Variants in CYTH4 observed in about 807,000 individuals in gnomAD.
CYTH4 encodes cytohesin-4.
In CYTH4, 22 loss-of-function variants were observed where a neutral mutation model predicts 57.5. The ratio of observed to expected loss-of-function variants is 0.38; its 90% CI spans 0.27 to 0.55. CYTH4 has a LOEUF of 0.55. CYTH4 is among the 20% of genes least tolerant of loss of function. The pLI is 0.74. For synonymous variants in CYTH4, 186 were observed against 206.5 expected (o/e 0.90, Z 0.85); for missense variants, 420 against 535.6 (o/e 0.78, Z 2.13).
rs896380602 is a variant in CYTH4, at chr22:37,295,153, G to A, written c.167+429G>A. 2.6e-5 allele frequency among the ~76,000 whole-genome samples: 4 copies of A among 151,986 alleles called. No homozygotes were observed. Among genetic ancestry groups the A allele is most frequent in the African/African-American group, 9.7e-5 (4 of 41,364 alleles). On this transcript the variant is annotated intron_variant, in intron 3 of 12. Coordinates refer to ENST00000248901, the MANE Select transcript of CYTH4 (RefSeq NM_013385.5). The surrounding 1 kb of genome is among the most constrained non-coding windows in gnomAD (Gnocchi z 4.1). ...TAACCCCGGGCCAGCCACGCCCACC[G>A]CCTCTGTGGAAAACTCCCACTATTT... is the stretch of plus-strand genomic sequence containing the variant.
chr22:37,295,242 G>C lies in CYTH4; in HGVS notation c.167+518G>C, dbSNP rs1013957532. Among the ~76,000 whole-genome samples the C allele has an allele frequency of 2.0e-5, 3 of 152,064 alleles. No individual in the cohort carries two copies. Among genetic ancestry groups the C allele is most frequent in the Non-Finnish European group, 4.4e-5 (3 of 68,002 alleles). Reference sequence around the variant, plus strand: ...GTTTCCCCATCTGTGCAACAAGAAGGTTGGTTGCTACACAGTCTCCTAAGG... The same window carrying C: ...GTTTCCCCATCTGTGCAACAAGAAGCTTGGTTGCTACACAGTCTCCTAAGG... On this transcript the variant is annotated intron_variant, in intron 3 of 12. Coordinates refer to ENST00000248901, the MANE Select transcript of CYTH4 (RefSeq NM_013385.5). The surrounding 1 kb of genome is among the most constrained non-coding windows in gnomAD (Gnocchi z 4.1).
At chr22:37,309,005 G>T (rs1331612598) in intron 8 of CYTH4, among the ~76,000 whole-genome samples, 1 of 152,062 alleles carries the variant, frequency 6.6e-6, no homozygotes, top group African/African-American at 2.4e-5. Context: ...TGGCGGGGTG[G>T]CAGGGTGGCA....
At chr22:37,301,118 C>A in intron 7 of CYTH4, 99 bp downstream of exon 7, 2 of 989,048 alleles carry the variant, frequency 2.0e-6, no homozygotes, top group Non-Finnish European at 3.0e-6. Flanking sequence ...GGTACCCAGA[C>A]CCTGGCAGCC....
chr22:37,293,380 T>C (rs141716718), intron 2 of CYTH4, among the ~76,000 whole-genome samples: 37 of 140,968 alleles, frequency 2.6e-4, no homozygotes, highest in African/African-American at 8.5e-4. Context: ...GTCATTCCAA[T>C]TACCCTATGA....
chr22:37,284,618 G>A (rs1255453961), intron 1 of CYTH4, among the ~76,000 whole-genome samples: 2 of 152,158 alleles, frequency 1.3e-5, no homozygotes, highest in Non-Finnish European at 2.9e-5. Flanking sequence ...CCTGGCCTGG[G>A]GAAGCGGGGA....
intron 9 of CYTH4, among the ~76,000 whole-genome samples, chr22:37,310,206 A>G (rs1313193938): frequency 6.6e-6 from 1 of 151,918 alleles, no homozygotes; most frequent in Non-Finnish European, 1.5e-5. Context: ...CCTCCTCCAG[A>G]GCACTCGGCC....
intron 1 of CYTH4, among the ~76,000 whole-genome samples, chr22:37,289,655 T>C (rs1479918992): frequency 2.6e-5 from 4 of 152,168 alleles, no homozygotes; most frequent in African/African-American, 9.7e-5. Flanking sequence ...TCACACCTGC[T>C]CCTGGACGTA....
chr22:37,312,568 T>C (rs936068091), intron 12 of CYTH4, among the ~76,000 whole-genome samples: 1 of 152,116 alleles, frequency 6.6e-6, no homozygotes, highest in Admixed American at 6.5e-5. Flanking sequence ...CCCGGACCCA[T>C]GTGGGCAACC....
At chr22:37,299,844 A>G (rs1367170314) in intron 6 of CYTH4, among the ~76,000 whole-genome samples, 1 of 152,170 alleles carries the variant, frequency 6.6e-6, no homozygotes, top group Non-Finnish European at 1.5e-5. Context: ...TACAAAAATT[A>G]GCCGGGCGTG....
intron 1 of CYTH4, among the ~76,000 whole-genome samples, chr22:37,289,676 AG>A (rs1217344029): frequency 6.6e-6 from 1 of 152,166 alleles, no homozygotes; most frequent in East Asian, 1.9e-4. Context: ...CCACTCACAA[AG>A]GGTTACTATT....
In CYTH4 at chr22:37,300,871, C is replaced by T. The variant is rs1227733187; in HGVS notation, c.435-36C>T. 3 of 1,585,008 alleles carry T rather than the reference C, an allele frequency of 1.9e-6. No homozygotes were observed. In the Admixed American group the frequency reaches 5.1e-5, roughly 27 times the overall value. On this transcript the variant is annotated intron_variant, in intron 6 of 12. Coordinates refer to ENST00000248901, the MANE Select transcript of CYTH4 (RefSeq NM_013385.5). ...CTTGTCTGGGGCCCGCGAGGGCCCA[C>T]CCACTCCACTGCCCGTGGCCCCGTT...
rs1295613512 is a variant in CYTH4 at position 37,313,474 on chromosome 22, T to G, written c.1148T>G (p.Val383Gly). Residue 383 changes from valine (V) to glycine (G), a missense_variant, in exon 13 of 13, where the codon GTC becomes GGC. Transcript: ENST00000248901. ...ACCCGTGTCCCCTTCTACGACCTGG[T>G]CTCTACTCGGAAGAAGAAGATTGCC... ...SITRVPFYDL[V>G]STRKKKIASK... 1 of 1,614,136 alleles carries G rather than the reference T, an allele frequency of 6.2e-7. No individual in the cohort carries two copies. Among genetic ancestry groups the G allele is most frequent in the Non-Finnish European group, 8.5e-7 (1 of 1,180,012 alleles).
chr22:37,300,788 A>T, intron 6 of CYTH4, 119 bp from the exon 7 acceptor site: 1 of 779,064 alleles, frequency 1.3e-6, no homozygotes, highest in South Asian at 1.6e-5. Context: ...CCCAGATGAC[A>T]GTTGCAGATT....
Position 37,295,134 on chromosome 22 carries a change from C to T in CYTH4, c.167+410C>T, listed in dbSNP as rs371961579. On this transcript the variant is annotated intron_variant, in intron 3 of 12. Transcript: ENST00000248901. The surrounding 1 kb of genome is among the most constrained non-coding windows in gnomAD (Gnocchi z 4.1). Reference sequence around the variant, plus strand: ...ACCCCACCCCACTCACCACTAACCCCGGGCCAGCCACGCCCACCGCCTCTG... The same window carrying T: ...ACCCCACCCCACTCACCACTAACCCTGGGCCAGCCACGCCCACCGCCTCTG... Among the ~76,000 whole-genome samples the T allele has an allele frequency of 2.0e-5, 3 of 152,130 alleles. No individual in the cohort carries two copies. Among genetic ancestry groups the T allele is most frequent in the African/African-American group, 2.4e-5 (1 of 41,420 alleles).
chr22:37,297,822 C>T, intron 5 of CYTH4, 140 bp downstream of exon 5: 1 of 672,154 alleles, frequency 1.5e-6, no homozygotes, highest in Non-Finnish European at 2.6e-6. Flanking sequence ...GGATCATCCC[C>T]TCCAGATTCT....
At chr22:37,304,558 C>T (rs887881677) in intron 8 of CYTH4, among the ~76,000 whole-genome samples, 1 of 152,154 alleles carries the variant, frequency 6.6e-6, no homozygotes, top group Admixed American at 6.5e-5. Flanking sequence ...GCGAACACCA[C>T]GGTCCCAGCT....
intron 12 of CYTH4, 129 bp from the exon 13 acceptor site, chr22:37,313,310 G>GGCCTTTCC: frequency 1.1e-6 from 1 of 877,064 alleles, no homozygotes; most frequent in Non-Finnish European, 1.8e-6. Context: ...GGGGCCATCT[G>GGCCTTTCC]GCCTTTCCCC....
chr22:37,299,931 T>C (rs903941091), intron 6 of CYTH4: 66 of 636,850 alleles, frequency 1.0e-4, no homozygotes, highest in Non-Finnish European at 1.5e-4. Context: ...GTGGAGGTTG[T>C]AGTGAGACAA....
Position 37,309,323 on chromosome 22 carries a change from G to A in CYTH4, c.808G>A (p.Gly270Arg), listed in dbSNP as rs1929549166. 6.2e-7 allele frequency: 1 copy of A among 1,613,758 alleles called. No individual in the cohort carries two copies. Among genetic ancestry groups the A allele is most frequent in the South Asian group, 1.1e-5 (1 of 91,080 alleles). Residue 270 changes from glycine (G) to arginine (R), a missense_variant and splice_region_variant, in exon 9 of 13, where the codon GGG becomes AGG. Physicochemically the swap from Gly to Arg is moderately radical, Grantham distance 125 (BLOSUM62 -2). Coordinates refer to ENST00000248901, the MANE Select transcript of CYTH4 (RefSeq NM_013385.5). Reference sequence around the variant, plus strand: ...CCGGGAGGGTTGGCTGCTCAAGCTAGGTGAGAGACCGACAGACACACGTCG... The same window carrying A: ...CCGGGAGGGTTGGCTGCTCAAGCTAAGTGAGAGACCGACAGACACACGTCG... ...PDREGWLLKL[G>R]GRVKTWKRRW...
Sources: gnomAD v4.1 joint callset for allele counts (sites outside exome capture counted in the v4.1 genomes callset) on GRCh38, gnomAD v4.1.1 for gene constraint, Gnocchi (gnomAD v3.1) non-coding constraint, MANE v1.5 for transcripts, NCBI Gene and HGNC (gene_info 2026-07-23, HGNC 2026-07-21) for gene names.